The following EXOC7 variants were observed in gnomAD, a reference collection of about 807,000 sequenced individuals.
EXOC7 encodes the protein exocyst complex component Exo70.
Under a neutral mutation model 87.6 loss-of-function variants are expected in EXOC7, and 51 were observed. The ratio of observed to expected loss-of-function variants is 0.58; its 90% CI spans 0.46 to 0.73. The LOEUF is 0.73. Among genes scored for constraint, EXOC7 ranks in the 30% least tolerant of loss-of-function variants. EXOC7 has a pLI of 0.00. For synonymous variants in EXOC7, 327 were observed against 357.1 expected, an observed-to-expected ratio of 0.92 and a Z score of 0.95; for missense variants, 744 against 888.4, an observed-to-expected ratio of 0.84 and a Z score of 2.07.
rs766766866 is a variant in EXOC7 at position 76,101,762 on chromosome 17, A to G, written c.228T>C (p.Asn76=). 21 of 1,613,896 alleles carry G rather than the reference A, an allele frequency of 1.3e-5. No individual in the cohort carries two copies. Among genetic ancestry groups the G allele is most frequent in the Non-Finnish European group, 1.8e-5 (21 of 1,179,992 alleles). ...QTENLQRLQE[N]VEKTLSCLDH... ...CCAGGCAGGACAGCGTCTTCTCAAC[A>G]TTCTCCTGCAGCCGCTGCAGATTCT... Residue 76 remains asparagine, a synonymous_variant, in exon 3 of 19, where the codon AAT becomes AAC. Transcript: ENST00000589210.
chr17:76,096,554 T>C (rs1032231170), intron 5 of EXOC7, among the ~76,000 whole-genome samples: 1 of 151,226 alleles, frequency 6.6e-6, no homozygotes, highest in Non-Finnish European at 1.5e-5. Context: ...GAATATCTAT[T>C]GGAGTTTTTC....
At chr17:76,095,992 C>T (rs541819847) in intron 5 of EXOC7, among the ~76,000 whole-genome samples, 4 of 152,298 alleles carry the variant, frequency 2.6e-5, no homozygotes, top group African/African-American at 7.2e-5. Context: ...AACACAGAGG[C>T]ACAGGCTGAG....
Position 76,081,933 on chromosome 17 carries a change from CTG to C in EXOC7, c.*1713_*1714del, listed in dbSNP as rs2066998004. ...CTGCTCTTCCTCAGCACCATAGAGA[CTG>C]TGCTGCTGGCTGGGCTGCTGGCCCG... On this transcript the variant is annotated 3_prime_UTR_variant, in exon 19 of 19. Coordinates refer to ENST00000589210, the MANE Select transcript of EXOC7 (RefSeq NM_001013839.4). The C allele has an allele frequency of 1.9e-6, 3 of 1,613,372 alleles. No homozygotes were observed. The highest frequency in any genetic ancestry group is 1.1e-5 in the South Asian group (1 of 91,058).
intron 5 of EXOC7, among the ~76,000 whole-genome samples, chr17:76,096,487 G>T (rs1340629930): frequency 6.7e-6 from 1 of 148,692 alleles, no homozygotes; most frequent in Non-Finnish European, 1.5e-5. Flanking sequence ...ACTCCAGCGT[G>T]GGTGACAGAG....
intron 2 of EXOC7, 39 bp downstream of exon 2, chr17:76,103,322 C>T (rs376761482): frequency 3.2e-6 from 5 of 1,552,476 alleles, no homozygotes; most frequent in Non-Finnish European, 4.4e-6. Flanking sequence ...CCCCAGGGTC[C>T]GGAGGCCTGC....
chr17:76,081,622 G>A lies in EXOC7; in HGVS notation c.*2026C>T. ...CAGAGGCACTGCTGTTGGCTGACGT[G>A]TGCGGGGGGTTGCTGCCCCTCCGGG... On this transcript the variant is annotated 3_prime_UTR_variant, in exon 19 of 19. Transcript: ENST00000589210. 1 of 1,614,110 alleles carries A rather than the reference G, an allele frequency of 6.2e-7. No individual in the cohort carries two copies. The highest frequency in any genetic ancestry group is 8.5e-7 in the Non-Finnish European group (1 of 1,180,042).
At chr17:76,102,204 G>A (rs912509604) in intron 2 of EXOC7, among the ~76,000 whole-genome samples, 6 of 152,152 alleles carry the variant, frequency 3.9e-5, no homozygotes, top group Non-Finnish European at 8.8e-5. Context: ...AAACCGGACT[G>A]GAAGTAGTTT....
At chr17:76,084,905 G>C (rs955925091) in intron 15 of EXOC7, among the ~76,000 whole-genome samples, 1 of 152,176 alleles carries the variant, frequency 6.6e-6, no homozygotes, top group African/African-American at 2.4e-5. Context: ...AGAAGGAAGA[G>C]GTAGACACAT....
At chr17:76,089,007 G>A in intron 8 of EXOC7, 84 bp from the exon 9 acceptor site, 2 of 1,486,646 alleles carry the variant, frequency 1.3e-6, no homozygotes, top group Non-Finnish European at 1.8e-6. Flanking sequence ...GCAGTATGTA[G>A]GGGGGCCAGT....
At chr17:76,099,265 G>A (rs1243972470) in intron 4 of EXOC7, among the ~76,000 whole-genome samples, 1 of 152,178 alleles carries the variant, frequency 6.6e-6, no homozygotes, top group Non-Finnish European at 1.5e-5. Flanking sequence ...CAGCACTTTG[G>A]GAGGCCGAGG....
chr17:76,092,730 A>C (rs900561369), intron 6 of EXOC7: 1 of 152,172 alleles, frequency 6.6e-6, no homozygotes, highest in African/African-American at 2.4e-5. Context: ...ACACAGACGC[A>C]GGTGCACGCC....
chr17:76,088,477 G>A lies in EXOC7; in HGVS notation c.1286C>T (p.Ala429Val). The change falls in exon 10 of 19, where the codon GCA becomes GTA. Residue 429 changes from alanine (A) to valine (V), a missense_variant. Physicochemically the swap from Ala to Val is moderately conservative, Grantham distance 64. Transcript: ENST00000589210. ...TIGAKALEDF[A>V]DNIKNDPDKE... Reference sequence around the variant, plus strand: ...GACAGCAGGGACCTTGATGTTGTCTGCGAAGTCCTCCAGCGCTTTGGCACC... The same window carrying A: ...GACAGCAGGGACCTTGATGTTGTCTACGAAGTCCTCCAGCGCTTTGGCACC... The A allele has an allele frequency of 6.2e-7, 1 of 1,613,846 alleles. No homozygotes were observed. The highest frequency in any genetic ancestry group is 8.5e-7 in the Non-Finnish European group (1 of 1,179,860).
At chr17:76,085,503 C>T in intron 14 of EXOC7, 94 bp from the exon 15 acceptor site, 2 of 1,502,546 alleles carry the variant, frequency 1.3e-6, no homozygotes, top group Non-Finnish European at 9.1e-7. Flanking sequence ...CCATTGCACC[C>T]CAAACTCCAC....
chr17:76,102,921 T>A (rs2068144215), intron 2 of EXOC7, among the ~76,000 whole-genome samples: 1 of 152,160 alleles, frequency 6.6e-6, no homozygotes, highest in Non-Finnish European at 1.5e-5. Flanking sequence ...AAGGACTAGA[T>A]CCCAGATCTG....
chr17:76,090,432 G>A (rs765138832), intron 7 of EXOC7: 12 of 1,551,740 alleles, frequency 7.7e-6, no homozygotes, highest in Admixed American at 2.0e-5. Context: ...CACAAGCAGC[G>A]TTTATCCAGG....
At position 76,086,120 on chromosome 17, in the gene EXOC7, G is replaced by A; in HGVS notation, c.1455C>T (p.Tyr485=). ...GCAGCCGCTTGCTGAACTCAGAGCT[G>A]TAGCTGGTGGCCGAAGAGCTGGTCT... The part of the protein sequence containing the change: ...SQETSSSATS[Y]SSEFSKRLLS... The change falls in exon 13 of 19, where the codon TAC becomes TAT. Residue 485 remains tyrosine, a synonymous_variant. Coordinates refer to ENST00000589210, the MANE Select transcript of EXOC7 (RefSeq NM_001013839.4). 2 of 1,613,862 alleles carry A rather than the reference G, an allele frequency of 1.2e-6. No individual in the cohort carries two copies. Among genetic ancestry groups the A allele is most frequent in the Non-Finnish European group, 1.7e-6 (2 of 1,180,028 alleles).
intron 4 of EXOC7, among the ~76,000 whole-genome samples, chr17:76,100,363 C>T (rs1219231078): frequency 1.3e-5 from 2 of 151,878 alleles, no homozygotes; most frequent in Non-Finnish European, 2.9e-5. Flanking sequence ...CACGGTGGCT[C>T]ACACCTGTAA....
At chr17:76,086,920 A>G (rs2067237790) in intron 12 of EXOC7, 5 of 1,546,010 alleles carry the variant, frequency 3.2e-6, no homozygotes, top group Non-Finnish European at 4.4e-6. Context: ...GTGCACACAG[A>G]GGGGACAGAG....
intron 6 of EXOC7, 27 bp from the exon 7 acceptor site, chr17:76,091,262 G>T: frequency 1.3e-6 from 2 of 1,599,936 alleles, no homozygotes; most frequent in Non-Finnish European, 1.7e-6. Context: ...ACAGAGAGGA[G>T]ATAAGAAGAC....
Sources: allele counts gnomAD v4.1 joint callset (sites outside exome capture counted in the v4.1 genomes callset), GRCh38; gene constraint gnomAD v4.1.1; transcripts MANE v1.5; gene names NCBI Gene and HGNC (gene_info 2026-07-23, HGNC 2026-07-21).